The following STARD6 variants were observed in gnomAD, a reference collection of about 807,000 sequenced individuals.
STARD6 encodes StAR related lipid transfer domain containing 6, also known as stAR-related lipid transfer protein 6.
In STARD6, 21 loss-of-function variants were observed where a neutral mutation model predicts 22.3. The ratio of observed to expected loss-of-function variants is 0.94; its 90% confidence interval spans 0.67 to 1.35. STARD6 has a LOEUF of 1.35. Ranked by LOEUF, STARD6 falls within the 40% of genes most tolerant of loss-of-function variation. The probability of loss-of-function intolerance (pLI) is 0.00; values close to 1 mark genes in which losing one functional copy is unlikely to be tolerated. For missense variants in STARD6, 269 were observed against 266.9 expected (o/e 1.01, Z -0.05); for synonymous variants, 80 against 88.1 (o/e 0.91, Z 0.52).
chr18:54,332,242 A>G (rs1180901619), intron 5 of STARD6, among the ~76,000 whole-genome samples: 1 of 152,216 alleles, frequency 6.6e-6, no homozygotes, highest in African/African-American at 2.4e-5. Flanking sequence ...AAATACATTG[A>G]TTTAGCACCC....
rs776424202 is a variant in STARD6 at position 54,354,310 on chromosome 18, C to T, written c.90+174G>A. The T allele has an allele frequency of 1.4e-5, 9 of 654,912 alleles. No homozygotes were observed. The East Asian group carries it at 2.2e-4, about 16-fold the overall frequency. 40.6% of individuals were successfully genotyped at this position (654,912 alleles called of 1,614,324 possible). A position where few individuals can be genotyped will look rare whatever the true frequency, so the allele number is the denominator to read the frequency against. On this transcript the variant is annotated intron_variant, in intron 3 of 7. Coordinates refer to ENST00000307844, the MANE Select transcript of STARD6 (RefSeq NM_139171.2). ...CAGGCACAATCATGGTGCATGACAG[C>T]CTCAAACTCCTGTGCTCAAGCAGTC...
At chr18:54,326,713 AAAAAT>A (rs1461374654) in intron 7 of STARD6, among the ~76,000 whole-genome samples, 5 of 151,008 alleles carry the variant, frequency 3.3e-5, no homozygotes, top group Admixed American at 6.6e-5. Flanking sequence ...TTTTTTATAT[AAAAAT>A]AAAATAAAAA....
intron 4 of STARD6, among the ~76,000 whole-genome samples, chr18:54,353,507 A>C (rs2144698322): frequency 6.6e-6 from 1 of 152,262 alleles, no homozygotes; most frequent in South Asian, 2.1e-4. Flanking sequence ...AAAACATATA[A>C]AAATTAGTCA....
intron 5 of STARD6, among the ~76,000 whole-genome samples, chr18:54,334,764 A>G (rs1470812198): frequency 1.3e-5 from 2 of 152,098 alleles, no homozygotes; most frequent in African/African-American, 2.4e-5. Context: ...ATTATCCTAC[A>G]TAACACTTAT....
At chr18:54,344,046 C>T (rs2089012024) in intron 4 of STARD6, among the ~76,000 whole-genome samples, 2 of 46,920 alleles carry the variant, frequency 4.3e-5, no homozygotes, top group Non-Finnish European at 7.1e-5. Flanking sequence ...AGCCCCTCTG[C>T]CCGGCCACCA....
chr18:54,329,797 G>C (rs1296084879), intron 6 of STARD6, among the ~76,000 whole-genome samples: 1 of 151,660 alleles, frequency 6.6e-6, no homozygotes, highest in Non-Finnish European at 1.5e-5. Context: ...CACTGGGTTT[G>C]AGTGAAAACT....
At chr18:54,354,844 A>T (rs1443196596) in intron 2 of STARD6, among the ~76,000 whole-genome samples, 2 of 152,168 alleles carry the variant, frequency 1.3e-5, no homozygotes, top group African/African-American at 4.8e-5. Flanking sequence ...CATGTTACTT[A>T]ATATTTCTGT....
chr18:54,349,678 A>C (rs2089075974), intron 4 of STARD6, among the ~76,000 whole-genome samples: 1 of 152,098 alleles, frequency 6.6e-6, no homozygotes, highest in African/African-American at 2.4e-5. Flanking sequence ...CCTGGAGTCC[A>C]CAAAGTCCAT....
At chr18:54,324,935 T>C in intron 7 of STARD6, 60 bp from the exon 8 acceptor site, 2 of 1,379,828 alleles carry the variant, frequency 1.4e-6, no homozygotes, top group South Asian at 1.7e-5. Context: ...CTACTGACTT[T>C]ACAGGTTTTT....
At chr18:54,344,581 A>AT (rs1287239839) in intron 4 of STARD6, among the ~76,000 whole-genome samples, 20 of 70,386 alleles carry the variant, frequency 2.8e-4, no homozygotes, top group South Asian at 2.2e-3. Flanking sequence ...AAAAAAATAA[A>AT]TTAAAAAAAA....
intron 7 of STARD6, among the ~76,000 whole-genome samples, chr18:54,326,388 G>A (rs1364581194): frequency 4.8e-5 from 7 of 144,440 alleles, no homozygotes; most frequent in Admixed American, 3.6e-4. Flanking sequence ...CTGGAGTGCC[G>A]TGGAGTGATC....
chr18:54,354,932 G>A (rs909604241), intron 2 of STARD6, among the ~76,000 whole-genome samples: 7 of 152,222 alleles, frequency 4.6e-5, no homozygotes, highest in African/African-American at 1.7e-4. Flanking sequence ...GAGATGATAT[G>A]CTTAAGGTTC....
intron 1 of STARD6, among the ~76,000 whole-genome samples, chr18:54,356,662 A>G (rs1358634429): frequency 6.6e-6 from 1 of 152,240 alleles, no homozygotes; most frequent in Non-Finnish European, 1.5e-5. Flanking sequence ...ACTATTTTAA[A>G]GGAACTCAGT....
At chr18:54,328,631 T>G (rs1047611909) in intron 7 of STARD6, among the ~76,000 whole-genome samples, 6 of 143,142 alleles carry the variant, frequency 4.2e-5, no homozygotes, top group African/African-American at 1.8e-4. Flanking sequence ...TTGGGCTTCC[T>G]TCACATACAT....
At chr18:54,340,096 C>T (rs547439646) in intron 4 of STARD6, among the ~76,000 whole-genome samples, 15 of 151,990 alleles carry the variant, frequency 9.9e-5, no homozygotes, top group South Asian at 4.2e-4. Flanking sequence ...TGTATTCTTA[C>T]GGATATATAT....
intron 4 of STARD6, among the ~76,000 whole-genome samples, chr18:54,344,989 A>G (rs1462344616): frequency 2.0e-5 from 3 of 152,240 alleles, no homozygotes; most frequent in Non-Finnish European, 4.4e-5. Flanking sequence ...ATCAGGAATA[A>G]GACAAGGATG....
intron 5 of STARD6, among the ~76,000 whole-genome samples, chr18:54,334,615 T>C (rs2088893140): frequency 6.6e-6 from 1 of 151,954 alleles, no homozygotes; most frequent in Non-Finnish European, 1.5e-5. Context: ...ACCCTGTGTC[T>C]GCTACTCTCT....
intron 4 of STARD6, among the ~76,000 whole-genome samples, chr18:54,348,808 A>G (rs1218801305): frequency 6.6e-6 from 1 of 152,164 alleles, no homozygotes; most frequent in Non-Finnish European, 1.5e-5. Flanking sequence ...CTTCTCTTCC[A>G]GGCAAATGCT....
Position 54,354,044 on chromosome 18 carries a change from T to C in STARD6, c.140+10A>G. 3 of 1,536,722 alleles carry C rather than the reference T, an allele frequency of 2.0e-6. No homozygotes were observed. Among genetic ancestry groups the C allele is most frequent in the Non-Finnish European group, 1.8e-6 (2 of 1,129,558 alleles). On this transcript the variant is annotated intron_variant, in intron 4 of 7. Transcript: ENST00000307844. Reference sequence around the variant, plus strand: ...TAAAACAGTAATTGTAAATAGAAGATTGTACTCACAGATTTCCATGGAATT... The same window carrying C: ...TAAAACAGTAATTGTAAATAGAAGACTGTACTCACAGATTTCCATGGAATT...
Sources: allele counts gnomAD v4.1 joint callset (sites outside exome capture counted in the v4.1 genomes callset), GRCh38; gene constraint gnomAD v4.1.1; transcripts MANE v1.5; gene names NCBI Gene and HGNC (gene_info 2026-07-23, HGNC 2026-07-21).